Variants in SERGEF observed in about 807,000 individuals in gnomAD.
SERGEF encodes the protein secretion regulating guanine nucleotide exchange factor.
A neutral mutation model predicts 50.0 loss-of-function variants in SERGEF; 51 were observed. The observed-to-expected ratio is 1.02, with a 90% CI of 0.81 to 1.29. The LOEUF (loss-of-function observed/expected upper bound fraction) is 1.29. Ranked by LOEUF, SERGEF falls within the 50% of genes most tolerant of loss-of-function variation. The probability of loss-of-function intolerance (pLI) is 0.00; values close to 1 mark genes in which losing one functional copy is unlikely to be tolerated. For synonymous variants in SERGEF, 205 were observed against 212.4 expected, an observed-to-expected ratio of 0.97 and a Z score of 0.30; for missense variants, 521 against 557.0, an observed-to-expected ratio of 0.94 and a Z score of 0.65.
At chr11:17,993,122 G>T in intron 6 of SERGEF, 129 bp from the exon 7 acceptor site, 1 of 669,976 alleles carries the variant, frequency 1.5e-6, no homozygotes, top group Non-Finnish European at 2.6e-6. Flanking sequence ...TGAGTCAGCA[G>T]CACTGGCCAA....
intron 8 of SERGEF, among the ~76,000 whole-genome samples, chr11:17,983,361 A>C (rs1416707917): frequency 6.6e-6 from 1 of 152,228 alleles, no homozygotes; most frequent in Non-Finnish European, 1.5e-5. Flanking sequence ...CTTGTCACCC[A>C]TCCAGAGACA....
chr11:17,956,585 G>C (rs184166427), intron 9 of SERGEF, among the ~76,000 whole-genome samples: 14 of 152,274 alleles, frequency 9.2e-5, no homozygotes, highest in Middle Eastern at 3.4e-3. Flanking sequence ...CCCAGGAAGG[G>C]ATGGTTATAC....
intron 10 of SERGEF, among the ~76,000 whole-genome samples, chr11:17,839,528 G>A (rs1850462743): frequency 6.6e-6 from 1 of 152,162 alleles, no homozygotes; most frequent in Non-Finnish European, 1.5e-5. Context: ...CTTAAGATGG[G>A]TGGGCTGTTT....
At chr11:17,910,679 A>G (rs894560350) in intron 9 of SERGEF, among the ~76,000 whole-genome samples, 2 of 152,204 alleles carry the variant, frequency 1.3e-5, no homozygotes, top group African/African-American at 2.4e-5. Context: ...AAAACCAACT[A>G]TATGCCCAGC....
At chr11:17,930,344 T>A (rs1464933060) in intron 9 of SERGEF, among the ~76,000 whole-genome samples, 1 of 152,136 alleles carries the variant, frequency 6.6e-6, no homozygotes, top group Non-Finnish European at 1.5e-5. Flanking sequence ...TCAGAACTTA[T>A]CAAAACAGGA....
chr11:17,875,099 T>A (rs1240748273), intron 10 of SERGEF, among the ~76,000 whole-genome samples: 1 of 152,308 alleles, frequency 6.6e-6, no homozygotes, highest in Non-Finnish European at 1.5e-5. Context: ...AGCTTGTAAG[T>A]GGAGAAGACA....
At chr11:17,796,462 G>A (rs1169110045) in intron 10 of SERGEF, among the ~76,000 whole-genome samples, 1 of 152,226 alleles carries the variant, frequency 6.6e-6, no homozygotes, top group Non-Finnish European at 1.5e-5. Context: ...ATGGATGAAT[G>A]CTGTCACTGT....
At chr11:17,799,811 A>C (rs1211398312) in intron 10 of SERGEF, among the ~76,000 whole-genome samples, 1 of 152,230 alleles carries the variant, frequency 6.6e-6, no homozygotes, top group Non-Finnish European at 1.5e-5. Context: ...GTACCTACTT[A>C]GTATCTGGTC....
At chr11:17,983,225 A>G (rs917120353) in intron 8 of SERGEF, among the ~76,000 whole-genome samples, 4 of 152,226 alleles carry the variant, frequency 2.6e-5, no homozygotes, top group South Asian at 4.1e-4. Flanking sequence ...CCAACTCCAC[A>G]TTAAGGTTTA....
rs555638035 is a variant in SERGEF, at chr11:18,001,651, G to C, written c.448-1094C>G. Among the ~76,000 whole-genome samples, 33 of 152,300 alleles carry C rather than the reference G, an allele frequency of 2.2e-4. No individual in the cohort carries two copies. In the South Asian group the frequency reaches 5.8e-3, roughly 27 times the overall value. On this transcript the variant is annotated intron_variant, in intron 4 of 10. Transcript: ENST00000265965. ...AACTGTGACATAATAAATGTTTGCT[G>C]TTTTAAGCTGCTAAGGTTTGCAGTA...
At chr11:17,957,818 AAT>A (rs1348923295) in intron 9 of SERGEF, among the ~76,000 whole-genome samples, 1 of 152,144 alleles carries the variant, frequency 6.6e-6, no homozygotes, top group East Asian at 1.9e-4. Flanking sequence ...CTAATCATGT[AAT>A]GTTTACTGCA....
At position 18,011,063 on chromosome 11, in the gene SERGEF, C is replaced by A. The variant is rs540419092; in HGVS notation, c.60+1888G>T. Among the ~76,000 whole-genome samples the A allele has an allele frequency of 3.9e-5, 6 of 152,232 alleles. No individual in the cohort carries two copies. The South Asian group carries it at 1.2e-3, about 32-fold the overall frequency. The stretch of plus-strand genomic sequence containing the variant: ...AAGCAAGACGAAGGGAAATTTAACA[C>A]AACCTATTACAACTGTTGTTTGCCT... On this transcript the variant is annotated intron_variant, in intron 1 of 10. Transcript: ENST00000265965.
chr11:17,954,973 T>C (rs903845559), intron 9 of SERGEF, among the ~76,000 whole-genome samples: 1 of 152,192 alleles, frequency 6.6e-6, no homozygotes, highest in Non-Finnish European at 1.5e-5. Context: ...AATGAGACAA[T>C]GTATGTGAAG....
intron 10 of SERGEF, among the ~76,000 whole-genome samples, chr11:17,809,695 G>T (rs1849831888): frequency 6.6e-6 from 1 of 152,182 alleles, no homozygotes; most frequent in African/African-American, 2.4e-5. Context: ...AAAGCAAAGA[G>T]GTGGGACCAA....
chr11:17,840,102 G>A (rs1481615351), intron 10 of SERGEF, among the ~76,000 whole-genome samples: 1 of 152,212 alleles, frequency 6.6e-6, no homozygotes, highest in Non-Finnish European at 1.5e-5. Context: ...AGGAACATCT[G>A]CCCTGACAGG....
At chr11:17,973,056 C>T (rs1853286262) in intron 8 of SERGEF, among the ~76,000 whole-genome samples, 3 of 151,972 alleles carry the variant, frequency 2.0e-5, no homozygotes, top group South Asian at 4.2e-4. Context: ...TTGATGAGGC[C>T]GTGTTTTCCA....
chr11:17,980,624 T>C (rs1853478260), intron 8 of SERGEF, among the ~76,000 whole-genome samples: 2 of 152,212 alleles, frequency 1.3e-5, no homozygotes, highest in South Asian at 4.1e-4. Context: ...ACAGTATGGT[T>C]AATCATTCTT....
chr11:18,009,048 C>T (rs1254274994), intron 1 of SERGEF, among the ~76,000 whole-genome samples: 2 of 152,072 alleles, frequency 1.3e-5, no homozygotes, highest in Non-Finnish European at 2.9e-5. Flanking sequence ...TAGAAACACT[C>T]TTACCCCATC....
chr11:17,959,395 G>C, intron 9 of SERGEF, 75 bp downstream of exon 9: 4 of 1,374,436 alleles, frequency 2.9e-6, no homozygotes, highest in Non-Finnish European at 4.1e-6. Context: ...CTGGCACACA[G>C]TAGGCCCTCA....
Sources: gnomAD v4.1 joint callset for allele counts (sites outside exome capture counted in the v4.1 genomes callset) on GRCh38, gnomAD v4.1.1 for gene constraint, MANE v1.5 for transcripts, NCBI Gene and HGNC (gene_info 2026-07-23, HGNC 2026-07-21) for gene names.